DNER: variants seen among roughly 807,000 people sequenced by gnomAD.
DNER encodes delta and Notch-like epidermal growth factor-related receptor.
In DNER, 33 loss-of-function variants were observed where a neutral mutation model predicts 78.2. That is an observed-to-expected ratio of 0.42 (90% CI 0.32 to 0.56). DNER has a LOEUF of 0.56. Ranked by LOEUF, DNER falls within the 20% of genes least tolerant of loss-of-function variation. The probability of loss-of-function intolerance (pLI) is 0.11; values close to 1 mark genes in which losing one functional copy is unlikely to be tolerated. For synonymous variants in DNER, 417 were observed against 384.8 expected (o/e 1.08, Z -0.98); for missense variants, 918 against 975.3 (o/e 0.94, Z 0.78).
At chr2:229,678,174 G>A (rs1699326913) in intron 1 of DNER, among the ~76,000 whole-genome samples, 1 of 152,116 alleles carries the variant, frequency 6.6e-6, no homozygotes, top group Non-Finnish European at 1.5e-5. Flanking sequence ...GTGTCTTCCA[G>A]GGCAGTACAC....
At chr2:229,400,063 A>G (rs560206717) in intron 10 of DNER, among the ~76,000 whole-genome samples, 3 of 152,170 alleles carry the variant, frequency 2.0e-5, no homozygotes, top group African/African-American at 7.2e-5. Context: ...TAAGTTAACA[A>G]TTCTGATACT....
At chr2:229,672,513 G>C (rs1017474432) in intron 1 of DNER, among the ~76,000 whole-genome samples, 1 of 151,574 alleles carries the variant, frequency 6.6e-6, no homozygotes, top group South Asian at 2.1e-4. Flanking sequence ...AAAGGGGAGA[G>C]AGGGAAAGAC....
intron 4 of DNER, among the ~76,000 whole-genome samples, chr2:229,572,706 A>T (rs1374803182): frequency 1.1e-4 from 17 of 152,220 alleles, no homozygotes; most frequent in Admixed American, 1.0e-3. Flanking sequence ...CATGGAGACT[A>T]TTAAGAGAAG....
In DNER at chr2:229,714,516, G is replaced by C; in HGVS notation, c.-93C>G. The C allele has an allele frequency of 9.4e-7, 1 of 1,059,480 alleles. No individual in the cohort carries two copies. Among genetic ancestry groups the C allele is most frequent in the Non-Finnish European group, 1.1e-6 (1 of 879,356 alleles). The allele number at this position is 1,059,480 out of a possible 1,614,324, so 65.6% of individuals were successfully genotyped here. ...CGAGAGCTGCGAGAGCGACGGTGGC[G>C]GCTAGGGCTGCTCCGCCGGGCCGGG... is the stretch of plus-strand genomic sequence containing the variant. On this transcript the variant is annotated 5_prime_UTR_variant, in exon 1 of 13. Transcript: ENST00000341772.
intron 1 of DNER, among the ~76,000 whole-genome samples, chr2:229,609,068 C>T (rs554585251): frequency 3.3e-5 from 5 of 152,132 alleles, no homozygotes; most frequent in East Asian, 1.9e-4. Flanking sequence ...ACTAAGAATA[C>T]AAAAATTAGC....
intron 1 of DNER, among the ~76,000 whole-genome samples, chr2:229,640,616 G>A (rs944688754): frequency 6.6e-6 from 1 of 152,238 alleles, no homozygotes; most frequent in African/African-American, 2.4e-5. Flanking sequence ...GAAAGAGAAG[G>A]ATATCAAAAC....
intron 1 of DNER, among the ~76,000 whole-genome samples, chr2:229,597,054 C>T (rs144727824): frequency 1.5e-3 from 225 of 151,674 alleles, no homozygotes; most frequent in African/African-American, 4.7e-3. Flanking sequence ...CACACATGCA[C>T]GCACACACAA....
At chr2:229,545,163 G>A (rs1054651266) in intron 5 of DNER, among the ~76,000 whole-genome samples, 1 of 152,212 alleles carries the variant, frequency 6.6e-6, no homozygotes, top group African/African-American at 2.4e-5. Context: ...GGAGATGGAT[G>A]TAGTGAGTGG....
chr2:229,534,005 G>T (rs1696357130), intron 5 of DNER, among the ~76,000 whole-genome samples: 1 of 152,232 alleles, frequency 6.6e-6, no homozygotes, highest in Non-Finnish European at 1.5e-5. Context: ...GTGATCCAAT[G>T]TTTTCCAAAG....
At chr2:229,416,973 G>A (rs1479385666) in intron 9 of DNER, among the ~76,000 whole-genome samples, 1 of 152,208 alleles carries the variant, frequency 6.6e-6, no homozygotes, top group East Asian at 1.9e-4. Flanking sequence ...GATATGTAGA[G>A]AGAAAGGTAA....
rs560646074 is a variant in DNER at position 229,663,057 on chromosome 2, GC to G, written c.276+51090del. Among the ~76,000 whole-genome samples the G allele has an allele frequency of 2.4e-4, 36 of 152,230 alleles. No homozygotes were observed. The East Asian group carries it at 6.9e-3, about 29-fold the overall frequency. Reference sequence around the variant, plus strand: ...CCACACTGGGCCTTTCCAGTGCTTTGCCCCAAGTAGATGCTTGATCAGTTGA... The same window carrying G: ...CCACACTGGGCCTTTCCAGTGCTTTGCCCAAGTAGATGCTTGATCAGTTGA... On this transcript the variant is annotated intron_variant, in intron 1 of 12. Coordinates refer to ENST00000341772, the MANE Select transcript of DNER (RefSeq NM_139072.4).
chr2:229,364,395 C>T (rs1020485867), intron 12 of DNER, among the ~76,000 whole-genome samples: 1 of 152,098 alleles, frequency 6.6e-6, no homozygotes, highest in South Asian at 2.1e-4. Flanking sequence ...GAAATAAAAG[C>T]TACTACCCTT....
At chr2:229,360,959 T>C (rs1375899930) in intron 12 of DNER, among the ~76,000 whole-genome samples, 1 of 152,230 alleles carries the variant, frequency 6.6e-6, no homozygotes, top group Non-Finnish European at 1.5e-5. Flanking sequence ...GGCTTGGAGC[T>C]GGAATCCCTG....
At chr2:229,409,719 C>G (rs1693466171) in intron 9 of DNER, among the ~76,000 whole-genome samples, 1 of 152,064 alleles carries the variant, frequency 6.6e-6, no homozygotes, top group Non-Finnish European at 1.5e-5. Context: ...GTCCCTTGAG[C>G]ATCTATTGAG....
chr2:229,502,457 C>T (rs1012278662), intron 6 of DNER, among the ~76,000 whole-genome samples: 2 of 152,036 alleles, frequency 1.3e-5, no homozygotes, highest in African/African-American at 4.8e-5. Context: ...CAGAGACTGC[C>T]GATGGCTATG....
chr2:229,630,785 C>T (rs377579633), intron 1 of DNER, among the ~76,000 whole-genome samples: 96 of 152,158 alleles, frequency 6.3e-4, no homozygotes, highest in African/African-American at 2.2e-3. Context: ...ACCCTTGCCC[C>T]CCTTCCTGCC....
chr2:229,492,381 G>A (rs1695419368), intron 6 of DNER, among the ~76,000 whole-genome samples: 1 of 152,144 alleles, frequency 6.6e-6, no homozygotes, highest in African/African-American at 2.4e-5. Flanking sequence ...CCTGAGAAGG[G>A]ATGAATGACA....
chr2:229,420,043 C>T (rs1387171382), intron 8 of DNER, among the ~76,000 whole-genome samples: 1 of 151,484 alleles, frequency 6.6e-6, no homozygotes, highest in African/African-American at 2.4e-5. Flanking sequence ...TTGAGAAACT[C>T]TGTTCTAGAC....
chr2:229,488,546 T>C (rs771638774), intron 6 of DNER, among the ~76,000 whole-genome samples: 2 of 152,256 alleles, frequency 1.3e-5, no homozygotes, highest in Non-Finnish European at 1.5e-5. Flanking sequence ...TTCCATTTTA[T>C]AGATAAGAGA....
Sources: allele counts gnomAD v4.1 joint callset (sites outside exome capture counted in the v4.1 genomes callset), GRCh38; gene constraint gnomAD v4.1.1; transcripts MANE v1.5; gene names NCBI Gene and HGNC (gene_info 2026-07-23, HGNC 2026-07-21).